ADGRL3: variants seen among roughly 807,000 people sequenced by gnomAD.
The protein encoded by ADGRL3 is calcium-independent alpha-latrotoxin receptor 3.
ADGRL3 carries 62 observed loss-of-function variants against 153.5 expected under a neutral mutation model. That is an observed-to-expected ratio of 0.40 (90% CI 0.33 to 0.50). ADGRL3 has a LOEUF of 0.50. Ranked by LOEUF, ADGRL3 falls within the 20% of genes least tolerant of loss-of-function variation. The pLI is 0.47. For synonymous variants in ADGRL3, 710 were observed against 672.5 expected (o/e 1.06, Z -0.86); for missense variants, 1,641 against 1,859.4 (o/e 0.88, Z 2.16).
At chr4:61,820,813 G>A (rs761376608) in intron 9 of ADGRL3, among the ~76,000 whole-genome samples, 3 of 152,006 alleles carry the variant, frequency 2.0e-5, no homozygotes, top group Non-Finnish European at 4.4e-5. Context: ...GAGTTCTGAA[G>A]GTCATATGTC....
chr4:61,360,835 T>C (rs1353911185), intron 1 of ADGRL3, among the ~76,000 whole-genome samples: 2 of 152,212 alleles, frequency 1.3e-5, no homozygotes, highest in Non-Finnish European at 2.9e-5. Flanking sequence ...GACAATGTCA[T>C]ATAAACAACA....
chr4:61,425,383 G>A (rs2152373089), intron 2 of ADGRL3: 1 of 152,514 alleles, frequency 6.6e-6, no homozygotes, highest in South Asian at 2.1e-4. Context: ...TAGAAGCTAA[G>A]TGTATGTGGC....
At chr4:61,642,419 A>G (rs1003741465) in intron 5 of ADGRL3, among the ~76,000 whole-genome samples, 11 of 152,256 alleles carry the variant, frequency 7.2e-5, no homozygotes, top group Non-Finnish European at 1.3e-4. Flanking sequence ...TTATGGTTTT[A>G]GGTCCAAGGT....
intron 2 of ADGRL3, among the ~76,000 whole-genome samples, chr4:61,475,876 A>T (rs182335997): frequency 2.8e-5 from 4 of 144,312 alleles, no homozygotes; most frequent in Admixed American, 6.9e-5. Context: ...TGATGAACAA[A>T]TAAAGATAGC....
At chr4:61,980,291 C>G (rs570553986) in intron 18 of ADGRL3, among the ~76,000 whole-genome samples, 1 of 141,508 alleles carries the variant, frequency 7.1e-6, no homozygotes, top group Non-Finnish European at 1.5e-5. Flanking sequence ...TCCCACTAAC[C>G]TCTGGTAACC....
chr4:61,552,071 T>A (rs1292180445), intron 4 of ADGRL3, among the ~76,000 whole-genome samples: 2 of 152,188 alleles, frequency 1.3e-5, no homozygotes, highest in African/African-American at 4.8e-5. Flanking sequence ...GGGGCTGTTT[T>A]AAGTGTTTAA....
At chr4:61,946,654 T>C (rs1488317066) in intron 15 of ADGRL3, among the ~76,000 whole-genome samples, 1 of 152,150 alleles carries the variant, frequency 6.6e-6, no homozygotes, top group South Asian at 2.1e-4. Flanking sequence ...GTTTTTATGT[T>C]TAGGTGTATG....
At chr4:62,064,313 G>C (rs1009697075) in intron 25 of ADGRL3, among the ~76,000 whole-genome samples, 1 of 150,454 alleles carries the variant, frequency 6.6e-6, no homozygotes, top group Non-Finnish European at 1.5e-5. Context: ...GCTTGAAAAT[G>C]ATCCAAAAAT....
chr4:61,793,359 G>A (rs935992111), intron 8 of ADGRL3, among the ~76,000 whole-genome samples: 1 of 152,178 alleles, frequency 6.6e-6, no homozygotes, highest in Non-Finnish European at 1.5e-5. Flanking sequence ...AGGAGGCAGA[G>A]CTTGCAGTGA....
chr4:62,042,327 G>A (rs1216253113), intron 24 of ADGRL3, among the ~76,000 whole-genome samples: 1 of 151,804 alleles, frequency 6.6e-6, no homozygotes, highest in Non-Finnish European at 1.5e-5. Context: ...GACTGTTGGG[G>A]GAATGTAGTA....
intron 1 of ADGRL3, among the ~76,000 whole-genome samples, chr4:61,212,432 A>G (rs375550804): frequency 3.6e-4 from 55 of 152,314 alleles, no homozygotes; most frequent in African/African-American, 1.3e-3. Flanking sequence ...GAGCATGGAT[A>G]ACTTTATAAT....
At chr4:61,729,437 C>T (rs2096403685) in intron 6 of ADGRL3, among the ~76,000 whole-genome samples, 1 of 151,862 alleles carries the variant, frequency 6.6e-6, no homozygotes, top group African/African-American at 2.4e-5. Flanking sequence ...TGGAGACACT[C>T]AAGCTTAGAT....
intron 9 of ADGRL3, among the ~76,000 whole-genome samples, chr4:61,857,824 C>T (rs1382905822): frequency 3.9e-5 from 6 of 152,016 alleles, no homozygotes; most frequent in South Asian, 2.1e-4. Flanking sequence ...GCAATCCTCT[C>T]GCCTCAGCCT....
intron 1 of ADGRL3, among the ~76,000 whole-genome samples, chr4:61,340,845 T>A (rs1167674951): frequency 6.6e-6 from 1 of 151,172 alleles, no homozygotes; most frequent in Non-Finnish European, 1.5e-5. Context: ...TATATATATA[T>A]AAAATATTAT....
chr4:61,848,225 G>C (rs1167680264), intron 9 of ADGRL3, among the ~76,000 whole-genome samples: 1 of 146,860 alleles, frequency 6.8e-6, no homozygotes, highest in African/African-American at 2.5e-5. Context: ...ATGTGCATTA[G>C]TTTCCAAGGC....
chr4:61,993,539 A>T (rs1256098642), intron 19 of ADGRL3, among the ~76,000 whole-genome samples: 1 of 150,378 alleles, frequency 6.6e-6, no homozygotes, highest in Non-Finnish European at 1.5e-5. Flanking sequence ...TGATCTACCC[A>T]CCTCGGCCTC....
intron 5 of ADGRL3, among the ~76,000 whole-genome samples, chr4:61,620,177 ATAAC>A (rs2149816270): frequency 6.6e-6 from 1 of 152,208 alleles, no homozygotes; most frequent in Admixed American, 6.5e-5. Context: ...TTAAACTCAT[ATAAC>A]TAATTTCTCT....
At chr4:61,225,085 GA>G (rs1747331780) in intron 1 of ADGRL3, among the ~76,000 whole-genome samples, 1 of 152,052 alleles carries the variant, frequency 6.6e-6, no homozygotes. Flanking sequence ...TTTATTGGTG[GA>G]AAAGGAAAGA....
chr4:61,989,918 A>G (rs780375934), intron 19 of ADGRL3, among the ~76,000 whole-genome samples: 14 of 152,078 alleles, frequency 9.2e-5, no homozygotes, highest in Non-Finnish European at 1.5e-4. Flanking sequence ...GATGTGGAAA[A>G]TGAGAACCCT....
Sources: allele counts gnomAD v4.1 joint callset (sites outside exome capture counted in the v4.1 genomes callset), GRCh38; gene constraint gnomAD v4.1.1; transcripts MANE v1.5; gene names NCBI Gene and HGNC (gene_info 2026-07-23, HGNC 2026-07-21).